The following DIAPH2 variants were observed in gnomAD, a reference collection of about 807,000 sequenced individuals.
DIAPH2 encodes the protein diaphanous related formin 2.
In DIAPH2, 35 loss-of-function variants were observed where a neutral mutation model predicts 92.7. The ratio of observed to expected loss-of-function variants is 0.38; its 90% CI spans 0.29 to 0.50. The LOEUF (loss-of-function observed/expected upper bound fraction) is 0.50, where lower values mean the gene tolerates loss of function less well. DIAPH2 is among the 20% of genes least tolerant of loss of function. DIAPH2 has a pLI of 0.94. For missense variants in DIAPH2, 701 were observed against 819.5 expected (o/e 0.86, Z 1.77); for synonymous variants, 301 against 280.4 (o/e 1.07, Z -0.73).
chrX:97,200,447 C>G (rs1045033652), intron 22 of DIAPH2, among the ~76,000 whole-genome samples: 101 of 1,187 alleles, frequency 0.085, no homozygotes, highest in Non-Finnish European at 0.35. Flanking sequence ...CATCTGGAGT[C>G]GAGCTGGGAT....
intron 26 of DIAPH2, among the ~76,000 whole-genome samples, chrX:97,438,121 TAAAAAAAAAAA>T (rs762607670): frequency 1.2e-5 from 1 of 83,925 alleles, no homozygotes. Context: ...ACCCTCTCTT[TAAAAAAAAAAA>T]AAAAGAAAAA....
At chrX:97,077,295 C>A (rs1413319263) in intron 19 of DIAPH2, among the ~76,000 whole-genome samples, 4 of 111,823 alleles carry the variant, frequency 3.6e-5, no homozygotes, top group African/African-American at 1.3e-4. Context: ...CCTTTTTCTA[C>A]CCCCAATTCC....
chrX:97,273,468 C>G (rs2068407984), intron 23 of DIAPH2, among the ~76,000 whole-genome samples: 1 of 111,633 alleles, frequency 9.0e-6, no homozygotes, highest in South Asian at 3.8e-4. Context: ...AATCTTGTCT[C>G]TTTTTATAAG....
intron 23 of DIAPH2, among the ~76,000 whole-genome samples, chrX:97,275,454 G>T (rs1390472935): frequency 9.8e-6 from 1 of 101,993 alleles, no homozygotes; most frequent in South Asian, 4.8e-4. Flanking sequence ...GGCGGCTGCC[G>T]GGCGGAGACG....
At chrX:97,548,274 G>A (rs1016322842) in intron 26 of DIAPH2, among the ~76,000 whole-genome samples, 1 of 111,820 alleles carries the variant, frequency 8.9e-6, no homozygotes, top group Non-Finnish European at 1.9e-5. Context: ...CAATTTTAAG[G>A]TCATTTTTAA....
At chrX:96,827,906 C>A (rs1212524980) in intron 4 of DIAPH2, among the ~76,000 whole-genome samples, 2 of 111,068 alleles carry the variant, frequency 1.8e-5, no homozygotes, top group Non-Finnish European at 3.8e-5. Context: ...GCAGCTGGGA[C>A]TACAGGTGCC....
At chrX:97,321,280 A>G (rs2068891624) in intron 23 of DIAPH2, among the ~76,000 whole-genome samples, 2 of 110,910 alleles carry the variant, frequency 1.8e-5, no homozygotes, top group Non-Finnish European at 1.9e-5. Context: ...GAAATATAGC[A>G]TTACTGTGCA....
At chrX:97,171,340 A>G (rs188141731) in intron 22 of DIAPH2, among the ~76,000 whole-genome samples, 1 of 112,482 alleles carries the variant, frequency 8.9e-6, no homozygotes, top group Admixed American at 9.4e-5. Flanking sequence ...GAGCATTTCA[A>G]TATGTAATTA....
At chrX:97,275,672 C>T (rs1418557642) in intron 23 of DIAPH2, among the ~76,000 whole-genome samples, 1 of 108,612 alleles carries the variant, frequency 9.2e-6, no homozygotes, top group Non-Finnish European at 1.9e-5. Context: ...CTCCTCACAT[C>T]CCAGACGGGG....
intron 20 of DIAPH2, among the ~76,000 whole-genome samples, chrX:97,109,112 A>T (rs1480120631): frequency 1.8e-5 from 2 of 111,539 alleles, no homozygotes; most frequent in Non-Finnish European, 3.8e-5. Context: ...GGTAACTTGC[A>T]GTAGGTCATA....
At chrX:97,151,508 T>TA (rs906358670) in intron 22 of DIAPH2, among the ~76,000 whole-genome samples, 3 of 109,619 alleles carry the variant, frequency 2.7e-5, no homozygotes, top group African/African-American at 9.9e-5. Context: ...AACACCTTTT[T>TA]TTTTTAGTCT....
At chrX:97,461,762 T>C (rs1430346731) in intron 26 of DIAPH2, among the ~76,000 whole-genome samples, 1 of 111,705 alleles carries the variant, frequency 9.0e-6, no homozygotes, top group African/African-American at 3.2e-5. Flanking sequence ...GCCGTTTCCT[T>C]GGAGTCTGGG....
At chrX:96,859,727 C>T (rs1321462261) in intron 4 of DIAPH2, among the ~76,000 whole-genome samples, 2 of 108,904 alleles carry the variant, frequency 1.8e-5, no homozygotes, top group Admixed American at 9.9e-5. Flanking sequence ...CTGCAAGCTC[C>T]GCCTCCCAGG....
chrX:96,729,375 A>T (rs1296569803), intron 1 of DIAPH2, among the ~76,000 whole-genome samples: 1 of 112,144 alleles, frequency 8.9e-6, no homozygotes, highest in African/African-American at 3.2e-5. Context: ...TAATTCAGGC[A>T]CTAAGTGACT....
At chrX:97,108,564 C>G (rs768766390) in intron 20 of DIAPH2, among the ~76,000 whole-genome samples, 2 of 111,443 alleles carry the variant, frequency 1.8e-5, no homozygotes, top group South Asian at 7.6e-4. Context: ...GATGGAGTTG[C>G]AACTGTTTCT....
intron 4 of DIAPH2, among the ~76,000 whole-genome samples, chrX:96,846,769 T>G (rs762152461): frequency 9.1e-6 from 1 of 110,424 alleles, no homozygotes; most frequent in African/African-American, 3.3e-5. Context: ...AAAATAGTTT[T>G]TTTTTTTTTT....
At position 96,719,374 on chromosome X, in the gene DIAPH2, G is replaced by A. The variant is rs192358154; in HGVS notation, c.133-16384G>A. Among the ~76,000 whole-genome samples, 290 of 112,209 alleles carry A rather than the reference G, an allele frequency of 2.6e-3. 2 individuals are homozygous for A. Among genetic ancestry groups the A allele is most frequent in the African/African-American group, 8.8e-3 (272 of 30,910 alleles). On this transcript the variant is annotated intron_variant, in intron 1 of 26. Coordinates refer to ENST00000324765, the MANE Select transcript of DIAPH2 (RefSeq NM_006729.5). ...AATCTTTGCCCGGTCCAATGTCCTA[G>A]AGGACCTTCCCCAATGTTTTCTTGT... is the stretch of plus-strand genomic sequence containing the variant.
chrX:97,094,363 G>T (rs1306171115), intron 19 of DIAPH2, among the ~76,000 whole-genome samples: 1 of 112,035 alleles, frequency 8.9e-6, no homozygotes, highest in African/African-American at 3.2e-5. Context: ...GCCTGGGCTA[G>T]ATTAAAGATT....
intron 17 of DIAPH2, among the ~76,000 whole-genome samples, chrX:97,030,489 G>T (rs1210981932): frequency 9.0e-6 from 1 of 111,232 alleles, no homozygotes; most frequent in Non-Finnish European, 1.9e-5. Context: ...AAATATTTTT[G>T]ATGGTTTTGT....
Sources: allele counts gnomAD v4.1 joint callset (sites outside exome capture counted in the v4.1 genomes callset), GRCh38; gene constraint gnomAD v4.1.1; transcripts MANE v1.5; gene names NCBI Gene and HGNC (gene_info 2026-07-23, HGNC 2026-07-21).